Variants in OSBP2 observed in about 807,000 individuals in gnomAD.
OSBP2 encodes oxysterol-binding protein 2.
OSBP2 carries 66 observed loss-of-function variants against 96.0 expected under a neutral mutation model. The observed-to-expected ratio is 0.69, with a 90% CI of 0.56 to 0.84. OSBP2 has a LOEUF of 0.84. Among genes scored for constraint, OSBP2 ranks in the 40% least tolerant of loss-of-function variants. The pLI is 0.00. For synonymous variants in OSBP2, 525 were observed against 520.9 expected, an observed-to-expected ratio of 1.01 and a Z score of -0.11; for missense variants, 1,038 against 1,222.7, an observed-to-expected ratio of 0.85 and a Z score of 2.25.
chr22:30,783,146 C>T (rs1223771858), intron 2 of OSBP2, among the ~76,000 whole-genome samples: 2 of 140,892 alleles, frequency 1.4e-5, no homozygotes, highest in Middle Eastern at 3.6e-3. Context: ...TGCCCAGGAA[C>T]CTGTGTGCAT....
chr22:30,810,481 G>A (rs1602296965), intron 2 of OSBP2, among the ~76,000 whole-genome samples: 2 of 152,266 alleles, frequency 1.3e-5, no homozygotes, highest in South Asian at 2.1e-4. Context: ...GCAGATGCAT[G>A]CCTGGACAAC....
chr22:30,770,430 G>A (rs753893328), intron 2 of OSBP2, among the ~76,000 whole-genome samples: 2 of 152,166 alleles, frequency 1.3e-5, no homozygotes, highest in Non-Finnish European at 2.9e-5. Flanking sequence ...CCACAGCCAT[G>A]TGGAACTGTG....
intron 2 of OSBP2, among the ~76,000 whole-genome samples, chr22:30,805,310 A>G (rs1283213473): frequency 6.6e-6 from 1 of 152,262 alleles, no homozygotes; most frequent in Admixed American, 6.5e-5. Context: ...ATTTGTCAAT[A>G]GAACACGTTT....
chr22:30,855,613 G>A (rs1267208660), intron 2 of OSBP2, among the ~76,000 whole-genome samples: 1 of 152,210 alleles, frequency 6.6e-6, no homozygotes, highest in Non-Finnish European at 1.5e-5. Flanking sequence ...CTGGTCCTAA[G>A]CAGCCTTTGA....
chr22:30,714,181 T>G (rs73400353), intron 1 of OSBP2, among the ~76,000 whole-genome samples: 7,451 of 152,278 alleles, frequency 0.049, 625 homozygotes, highest in African/African-American at 0.17. Context: ...CATGCTTGGC[T>G]TGTTTTACTT....
At chr22:30,883,054 G>C (rs926819928) in intron 3 of OSBP2, among the ~76,000 whole-genome samples, 2 of 152,230 alleles carry the variant, frequency 1.3e-5, no homozygotes, top group African/African-American at 4.8e-5. Flanking sequence ...ACCCATCTAT[G>C]TGAGAACTTG....
intron 7 of OSBP2, 72 bp downstream of exon 7, chr22:30,889,708 T>A: frequency 2.1e-6 from 3 of 1,429,460 alleles, no homozygotes; most frequent in Middle Eastern, 1.8e-4. Context: ...TGAGCAGTAA[T>A]GGCCTGTGTG....
chr22:30,839,380 G>A (rs2038700233), intron 2 of OSBP2, among the ~76,000 whole-genome samples: 1 of 115,460 alleles, frequency 8.7e-6, no homozygotes, highest in African/African-American at 4.4e-5. Flanking sequence ...GGGATGGCTG[G>A]GTCAAATGGT....
Position 30,756,053 on chromosome 22 carries a change from C to T in OSBP2, c.853+14684C>T, listed in dbSNP as rs143699865. On this transcript the variant is annotated intron_variant, in intron 2 of 13. Coordinates refer to ENST00000332585, the MANE Select transcript of OSBP2 (RefSeq NM_030758.4). ...ACCTCTGCCCCCACATGGTCACCTC[C>T]AGACTCTGTGGGCTCTGGCTCAGTA... Among the ~76,000 whole-genome samples the T allele has an allele frequency of 2.6e-5, 4 of 152,314 alleles. No homozygotes were observed. The East Asian group carries it at 5.8e-4, about 22-fold the overall frequency.
upstream of OSBP2, chr22:30,694,014 C>A: frequency 6.7e-7 from 1 of 1,499,170 alleles, no homozygotes; most frequent in Non-Finnish European, 9.0e-7. Flanking sequence ...GATGTTTTAA[C>A]CATTCTGGGG....
chr22:30,792,609 A>G (rs1398616294), intron 2 of OSBP2, among the ~76,000 whole-genome samples: 2 of 152,200 alleles, frequency 1.3e-5, no homozygotes, highest in Non-Finnish European at 1.5e-5. Flanking sequence ...AGTCAGATGA[A>G]TAGAAGTAAT....
chr22:30,730,902 C>T (rs530205011), intron 1 of OSBP2, among the ~76,000 whole-genome samples: 81 of 148,122 alleles, frequency 5.5e-4, no homozygotes, highest in South Asian at 2.2e-4. Flanking sequence ...TGGCCGGGCG[C>T]GGTGCCTCAC....
At chr22:30,872,209 C>T (rs539346517) in intron 3 of OSBP2, 6 of 456,156 alleles carry the variant, frequency 1.3e-5, no homozygotes, top group Admixed American at 1.2e-4. Context: ...GTCCTCCTTA[C>T]AGCCCACAGA....
intron 2 of OSBP2, among the ~76,000 whole-genome samples, chr22:30,742,888 A>G (rs1200237669): frequency 6.6e-6 from 1 of 152,182 alleles, no homozygotes; most frequent in African/African-American, 2.4e-5. Flanking sequence ...GGGCGCGTAC[A>G]TTTGTAATTC....
chr22:30,706,175 G>A (rs2145676910), intron 1 of OSBP2, among the ~76,000 whole-genome samples: 1 of 152,278 alleles, frequency 6.6e-6, no homozygotes, highest in Non-Finnish European at 1.5e-5. Flanking sequence ...TGGCAGCTTG[G>A]TGTGTGGTGA....
intron 1 of OSBP2, among the ~76,000 whole-genome samples, chr22:30,720,810 T>G (rs1428550104): frequency 4.6e-5 from 7 of 152,220 alleles, no homozygotes; most frequent in African/African-American, 1.4e-4. Flanking sequence ...AAGGCAGGAC[T>G]GGCTTTGCCA....
chr22:30,758,792 C>T (rs1178790227), intron 2 of OSBP2, among the ~76,000 whole-genome samples: 1 of 152,024 alleles, frequency 6.6e-6, no homozygotes, highest in Non-Finnish European at 1.5e-5. Flanking sequence ...ACTTAGCCCC[C>T]GATATAGGTG....
At chr22:30,731,930 G>T (rs543926757) in intron 1 of OSBP2, among the ~76,000 whole-genome samples, 1 of 152,308 alleles carries the variant, frequency 6.6e-6, no homozygotes, top group Admixed American at 6.5e-5. Flanking sequence ...ACTCTGGCTG[G>T]TCTGTGATGT....
At chr22:30,823,188 G>C (rs1327538476) in intron 2 of OSBP2, among the ~76,000 whole-genome samples, 4 of 152,096 alleles carry the variant, frequency 2.6e-5, no homozygotes, top group African/African-American at 9.7e-5. Context: ...GCCTGGGTTT[G>C]AGCAACCCTC....
Sources: gnomAD v4.1 joint callset for allele counts (sites outside exome capture counted in the v4.1 genomes callset) on GRCh38, gnomAD v4.1.1 for gene constraint, MANE v1.5 for transcripts, NCBI Gene and HGNC (gene_info 2026-07-23, HGNC 2026-07-21) for gene names.